Variants in PIK3AP1 observed in about 807,000 individuals in gnomAD.
PIK3AP1 encodes phosphoinositide 3-kinase adapter protein 1.
PIK3AP1 carries 21 observed loss-of-function variants against 88.1 expected under a neutral mutation model. The observed-to-expected ratio is 0.24, with a 90% CI of 0.17 to 0.34. PIK3AP1 has a LOEUF of 0.34. Ranked by LOEUF, PIK3AP1 falls within the 10% of genes least tolerant of loss-of-function variation. The pLI is 1.00. For missense variants in PIK3AP1, 828 were observed against 1,035.7 expected (o/e 0.80, Z 2.75); for synonymous variants, 398 against 400.0 (o/e 1.00, Z 0.06).
At chr10:96,620,704 A>T in intron 11 of PIK3AP1, 147 bp from the exon 12 acceptor site, 1 of 662,244 alleles carries the variant, frequency 1.5e-6, no homozygotes, top group Non-Finnish European at 2.6e-6. Context: ...GAGATACAAC[A>T]TAAAATCAGG....
rs59631566 is a variant in PIK3AP1, at chr10:96,687,255, C to CAAAAAAAAAAAAA, written c.430+22299_430+22311dup. On this transcript the variant is annotated intron_variant, in intron 2 of 16. Transcript: ENST00000339364. ...TGGGCAAAAGAGCGATACTCCATCTCAAAAAAAAAAAAAAAAAAAAAAAAA... is the reference window on the plus strand; with the variant it reads ...TGGGCAAAAGAGCGATACTCCATCTCAAAAAAAAAAAAAAAAAAAAAAAAAAAAAAAAAAAAAA... Among the ~76,000 whole-genome samples, 9 of 55,332 alleles carry CAAAAAAAAAAAAA rather than the reference C, an allele frequency of 1.6e-4. 1 individual carries two copies. Among genetic ancestry groups the CAAAAAAAAAAAAA allele is most frequent in the Non-Finnish European group, 2.2e-4 (7 of 31,462 alleles). The allele number at this position is 55,332 out of a possible 152,430, so 36.3% of individuals were successfully genotyped here.
intron 13 of PIK3AP1, among the ~76,000 whole-genome samples, chr10:96,610,722 TTG>T (rs1376399783): frequency 6.6e-6 from 1 of 152,128 alleles, no homozygotes; most frequent in Non-Finnish European, 1.5e-5. Context: ...TACCCAGAGG[TTG>T]TCTCTGTTCC....
chr10:96,682,719 T>G (rs1379504675), intron 2 of PIK3AP1, among the ~76,000 whole-genome samples: 2 of 152,198 alleles, frequency 1.3e-5, no homozygotes, highest in Non-Finnish European at 2.9e-5. Flanking sequence ...TGGTCTCTAA[T>G]CAAAACCTTA....
At chr10:96,718,353 G>A (rs1229773580) in intron 1 of PIK3AP1, among the ~76,000 whole-genome samples, 1 of 152,216 alleles carries the variant, frequency 6.6e-6, no homozygotes, top group Non-Finnish European at 1.5e-5. Context: ...ACATACAGAA[G>A]GGTGGCTGGA....
chr10:96,603,626 G>A (rs1848942608), intron 15 of PIK3AP1: 1 of 155,062 alleles, frequency 6.4e-6, no homozygotes, highest in African/African-American at 2.4e-5. Flanking sequence ...GCTTGCAGGT[G>A]GCCTCTTGTG....
chr10:96,681,612 G>A (rs906218338), intron 2 of PIK3AP1, among the ~76,000 whole-genome samples: 3 of 152,182 alleles, frequency 2.0e-5, no homozygotes, highest in Non-Finnish European at 2.9e-5. Context: ...GGCTCTAGTA[G>A]GATGTTTCCA....
At chr10:96,677,776 A>G (rs1843945354) in intron 2 of PIK3AP1, among the ~76,000 whole-genome samples, 1 of 152,198 alleles carries the variant, frequency 6.6e-6, no homozygotes, top group African/African-American at 2.4e-5. Flanking sequence ...ATTTAGGTAC[A>G]GTTATAGAAA....
chr10:96,617,764 G>A (rs771920484), intron 12 of PIK3AP1, among the ~76,000 whole-genome samples: 3 of 152,214 alleles, frequency 2.0e-5, no homozygotes, highest in Non-Finnish European at 2.9e-5. Flanking sequence ...AGACTCTGAG[G>A]TCTGATCTCC....
At chr10:96,681,447 G>C (rs1275146242) in intron 2 of PIK3AP1, among the ~76,000 whole-genome samples, 5 of 152,194 alleles carry the variant, frequency 3.3e-5, no homozygotes, top group Non-Finnish European at 7.3e-5. Context: ...AACCAGGGCT[G>C]CTGGCTCTCC....
chr10:96,668,733 AT>A (rs1843800407), intron 2 of PIK3AP1, among the ~76,000 whole-genome samples: 1 of 152,206 alleles, frequency 6.6e-6, no homozygotes, highest in East Asian at 1.9e-4. Flanking sequence ...AGATTCAAAG[AT>A]TTCTTAGAAG....
At chr10:96,648,317 T>C (rs1486962922) in intron 7 of PIK3AP1, among the ~76,000 whole-genome samples, 1 of 152,246 alleles carries the variant, frequency 6.6e-6, no homozygotes, top group African/African-American at 2.4e-5. Context: ...CTGTAAATTC[T>C]GTGAGGGTGA....
chr10:96,612,948 GTGTATA>G (rs374075385), intron 13 of PIK3AP1, among the ~76,000 whole-genome samples: 20 of 46,302 alleles, frequency 4.3e-4, no homozygotes, highest in African/African-American at 1.5e-3. Context: ...TTGTGTGTGT[GTGTATA>G]TATATATATA....
chr10:96,677,721 G>A (rs1343010395), intron 2 of PIK3AP1, among the ~76,000 whole-genome samples: 1 of 151,928 alleles, frequency 6.6e-6, no homozygotes, highest in African/African-American at 2.4e-5. Flanking sequence ...ACACTTTCCG[G>A]TTTAGAATCA....
At chr10:96,646,123 G>T (rs913931273) in intron 7 of PIK3AP1, among the ~76,000 whole-genome samples, 2 of 152,150 alleles carry the variant, frequency 1.3e-5, no homozygotes, top group African/African-American at 4.8e-5. Context: ...AGCCGGGCAT[G>T]GTGGAGCACG....
Position 96,655,776 on chromosome 10 carries a change from A to C in PIK3AP1, c.567+1022T>G, listed in dbSNP as rs547821688. Among the ~76,000 whole-genome samples the C allele has an allele frequency of 5.3e-5, 8 of 152,294 alleles. No individual in the cohort carries two copies. In the East Asian group the frequency reaches 1.5e-3, roughly 29 times the overall value. ...CTTTGCCTGCTGCCATCCATGTAAG[A>C]CATGCCTTTCCTCCTCCTTGCCTTC... is the stretch of plus-strand genomic sequence containing the variant. On this transcript the variant is annotated intron_variant, in intron 3 of 16. Coordinates refer to ENST00000339364, the MANE Select transcript of PIK3AP1 (RefSeq NM_152309.3).
chr10:96,610,019 T>G, intron 13 of PIK3AP1, 152 bp from the exon 14 acceptor site: 1 of 906,230 alleles, frequency 1.1e-6, no homozygotes, highest in East Asian at 2.5e-5. Context: ...GGAGGGGCCC[T>G]GGGTTGGTGG....
chr10:96,632,925 A>C (rs2134214395), intron 8 of PIK3AP1: 5 of 1,612,780 alleles, frequency 3.1e-6, no homozygotes, highest in Non-Finnish European at 3.4e-6. Flanking sequence ...CAGTCCACTC[A>C]CAAAGATAAA....
intron 13 of PIK3AP1, among the ~76,000 whole-genome samples, chr10:96,610,850 C>T (rs1849095181): frequency 6.6e-6 from 1 of 152,180 alleles, no homozygotes; most frequent in Non-Finnish European, 1.5e-5. Flanking sequence ...GTGCTCCTGC[C>T]TCAAGACTCC....
chr10:96,621,662 T>C (rs1843085995), intron 11 of PIK3AP1: 1 of 152,444 alleles, frequency 6.6e-6, no homozygotes, highest in African/African-American at 2.4e-5. Context: ...CAGCCTGCCA[T>C]TCCAGGACCC....
Sources: gnomAD v4.1 joint callset for allele counts (sites outside exome capture counted in the v4.1 genomes callset) on GRCh38, gnomAD v4.1.1 for gene constraint, MANE v1.5 for transcripts, NCBI Gene and HGNC (gene_info 2026-07-23, HGNC 2026-07-21) for gene names.